Variants in CDC73 observed in about 807,000 individuals in gnomAD.
CDC73 encodes the protein parafibromin.
CDC73 carries 21 observed loss-of-function variants against 83.7 expected under a neutral mutation model. The observed-to-expected ratio is 0.25, with a 90% confidence interval of 0.18 to 0.36. The LOEUF (loss-of-function observed/expected upper bound fraction) is 0.36, where lower values mean the gene tolerates loss of function less well. Ranked by LOEUF, CDC73 falls within the 10% of genes least tolerant of loss-of-function variation. CDC73 has a pLI of 1.00. For missense variants in CDC73, 342 were observed against 653.3 expected (o/e 0.52, Z 5.19); for synonymous variants, 224 against 212.9 (o/e 1.05, Z -0.45).
chr1:193,208,287 G>A (rs1290229950), intron 11 of CDC73, among the ~76,000 whole-genome samples: 1 of 152,108 alleles, frequency 6.6e-6, no homozygotes, highest in Non-Finnish European at 1.5e-5. Flanking sequence ...CTAGACCAGT[G>A]GGTCTCAGTG....
chr1:193,181,973 G>A (rs571192811), intron 10 of CDC73, among the ~76,000 whole-genome samples: 1 of 152,266 alleles, frequency 6.6e-6, no homozygotes, highest in Non-Finnish European at 1.5e-5. Context: ...TTTAAAAGTT[G>A]AATGTATTCG....
chr1:193,205,195 T>TC (rs34118735), intron 11 of CDC73, among the ~76,000 whole-genome samples: 679 of 64,436 alleles, frequency 0.011, 20 homozygotes, highest in African/African-American at 0.031. Flanking sequence ...ATACCACCTG[T>TC]CCCCCCCCCC....
chr1:193,188,225 A>T (rs1029711393), intron 10 of CDC73, among the ~76,000 whole-genome samples: 1 of 152,170 alleles, frequency 6.6e-6, no homozygotes. Context: ...TATTATTGTA[A>T]TACCCACTTA....
At chr1:193,224,402 T>G (rs534024914) in intron 13 of CDC73, among the ~76,000 whole-genome samples, 40 of 151,658 alleles carry the variant, frequency 2.6e-4, no homozygotes, top group Non-Finnish European at 5.0e-4. Flanking sequence ...TGCATTCACA[T>G]ATACACATAT....
At chr1:193,125,501 A>G (rs923160501) in intron 2 of CDC73, among the ~76,000 whole-genome samples, 2 of 151,904 alleles carry the variant, frequency 1.3e-5, no homozygotes, top group African/African-American at 2.4e-5. Flanking sequence ...CCCTCAGTGG[A>G]TCCTCCTGCC....
chr1:193,150,614 A>G (rs1031591456), intron 9 of CDC73, among the ~76,000 whole-genome samples: 1 of 152,250 alleles, frequency 6.6e-6, no homozygotes, highest in Non-Finnish European at 1.5e-5. Flanking sequence ...TTGTTTCAGT[A>G]GAGACTGTGT....
At chr1:193,139,118 C>CT in intron 6 of CDC73, among the ~76,000 whole-genome samples, 1 of 152,106 alleles carries the variant, frequency 6.6e-6, no homozygotes, top group East Asian at 1.9e-4. Flanking sequence ...ACATTCTTCT[C>CT]TTTTTTTGAA....
intron 15 of CDC73, among the ~76,000 whole-genome samples, chr1:193,246,571 A>G (rs1677958218): frequency 3.3e-5 from 5 of 152,122 alleles, no homozygotes; most frequent in South Asian, 4.1e-4. Context: ...CAAGAAGGCA[A>G]TCCCATTTAT....
At chr1:193,237,018 A>G (rs1370406533) in intron 15 of CDC73, 1 of 143,480 alleles carries the variant, frequency 7.0e-6, no homozygotes, top group Non-Finnish European at 1.5e-5. Flanking sequence ...ATCTCAGCTC[A>G]CTGCAAGCTC....
chr1:193,199,311 A>T (rs1292892512), intron 10 of CDC73, among the ~76,000 whole-genome samples: 1 of 152,114 alleles, frequency 6.6e-6, no homozygotes, highest in Non-Finnish European at 1.5e-5. Context: ...CTCTCCTGCA[A>T]TCCCAGCGCT....
intron 10 of CDC73, among the ~76,000 whole-genome samples, chr1:193,188,952 T>G (rs2103166591): frequency 6.6e-6 from 1 of 151,096 alleles, no homozygotes; most frequent in African/African-American, 2.4e-5. Flanking sequence ...TTTCTGTCTG[T>G]CTGTTTTTTT....
chr1:193,169,976 A>G (rs184514342), intron 10 of CDC73, among the ~76,000 whole-genome samples: 21 of 152,018 alleles, frequency 1.4e-4, no homozygotes, highest in Non-Finnish European at 2.9e-4. Context: ...AGGCCCCAGT[A>G]TGTGTGATTC....
chr1:193,136,937 C>T (rs1675811967), intron 5 of CDC73, among the ~76,000 whole-genome samples: 1 of 152,188 alleles, frequency 6.6e-6, no homozygotes, highest in East Asian at 1.9e-4. Flanking sequence ...GTCCTAGTTT[C>T]CTGGGATTCC....
intron 13 of CDC73, among the ~76,000 whole-genome samples, chr1:193,222,712 T>C (rs1329969012): frequency 1.3e-5 from 2 of 151,784 alleles, no homozygotes; most frequent in Non-Finnish European, 2.9e-5. Context: ...GTGTTTTTCA[T>C]CAGTTCTCAA....
chr1:193,235,011 A>G (rs1677732909), intron 14 of CDC73, among the ~76,000 whole-genome samples: 1 of 152,128 alleles, frequency 6.6e-6, no homozygotes, highest in African/African-American at 2.4e-5. Flanking sequence ...TTGCTTGAAT[A>G]GAAGGTAACC....
rs768588374 is a variant in CDC73, at chr1:193,203,892, G to C, written c.1030+40G>C. On this transcript the variant is annotated intron_variant, in intron 11 of 16. Coordinates refer to ENST00000367435, the MANE Select transcript of CDC73 (RefSeq NM_024529.5). ...CTTTGCTTTTTGTTTTCTTTCAAAAGATCGTAACAGTGCAAGTTTTTAGTA... is the reference window on the plus strand; with the variant it reads ...CTTTGCTTTTTGTTTTCTTTCAAAACATCGTAACAGTGCAAGTTTTTAGTA... The C allele has an allele frequency of 5.8e-6, 9 of 1,545,064 alleles. No individual in the cohort carries two copies. In the South Asian group the frequency reaches 8.9e-5, roughly 15 times the overall value.
chr1:193,233,257 C>CA, intron 14 of CDC73, 103 bp downstream of exon 14: 1 of 1,039,000 alleles, frequency 9.6e-7, no homozygotes, highest in Non-Finnish European at 1.5e-6. Context: ...GATGGGGTCT[C>CA]ACTATGTTGC....
chr1:193,201,405 C>G (rs1010770389), intron 10 of CDC73, among the ~76,000 whole-genome samples: 2 of 152,194 alleles, frequency 1.3e-5, no homozygotes, highest in African/African-American at 2.4e-5. Flanking sequence ...TTAATTCTCT[C>G]TTTCTGCCAA....
At chr1:193,159,046 A>G (rs1341249627) in intron 10 of CDC73, among the ~76,000 whole-genome samples, 1 of 152,184 alleles carries the variant, frequency 6.6e-6, no homozygotes, top group Non-Finnish European at 1.5e-5. Context: ...TTTAGCACAA[A>G]GAAGCTCAAC....
Sources: gnomAD v4.1 joint callset for allele counts (sites outside exome capture counted in the v4.1 genomes callset) on GRCh38, gnomAD v4.1.1 for gene constraint, MANE v1.5 for transcripts, NCBI Gene and HGNC (gene_info 2026-07-23, HGNC 2026-07-21) for gene names.